PPP1R42: variants seen among roughly 807,000 people sequenced by gnomAD.
PPP1R42 encodes protein phosphatase 1 regulatory subunit 42, also known as leucine rich repeat containing 67.
PPP1R42 carries 34 observed loss-of-function variants against 31.0 expected under a neutral mutation model. The observed-to-expected ratio is 1.10, with a 90% CI of 0.83 to 1.46. The LOEUF (loss-of-function observed/expected upper bound fraction) is 1.46, where lower values mean the gene tolerates loss of function less well. PPP1R42 is among the 40% of genes most tolerant of loss of function. The pLI is 0.00. For synonymous variants in PPP1R42, 103 were observed against 109.8 expected, an observed-to-expected ratio of 0.94 and a Z score of 0.39; for missense variants, 268 against 303.0, an observed-to-expected ratio of 0.88 and a Z score of 0.86.
At chr8:67,011,144 A>T (rs2129536865) in intron 4 of PPP1R42, among the ~76,000 whole-genome samples, 1 of 152,352 alleles carries the variant, frequency 6.6e-6, no homozygotes, top group East Asian at 1.9e-4. Flanking sequence ...GAAAGAAAAA[A>T]AGATGCCCCA....
At chr8:66,990,517 C>T (rs1319389128) in intron 5 of PPP1R42, among the ~76,000 whole-genome samples, 1 of 152,188 alleles carries the variant, frequency 6.6e-6, no homozygotes, top group African/African-American at 2.4e-5. Flanking sequence ...AGGAAGCAGA[C>T]ACTTTTCTGG....
At position 66,972,398 on chromosome 8, in the gene PPP1R42, AT is replaced by A. The variant is rs952238416; in HGVS notation, c.803-8065del. 1.2e-4 allele frequency among the ~76,000 whole-genome samples: 18 copies of A among 150,938 alleles called. No homozygotes were observed. The East Asian group carries it at 3.1e-3, about 26-fold the overall frequency. On this transcript the variant is annotated intron_variant, in intron 7 of 7. Transcript: ENST00000685739. Reference sequence around the variant, plus strand: ...TTTATTTTAATTGATTTTAGAGACCATTTTTTTTTGAGACAGAGTGTCATCT... The same window carrying A: ...TTTATTTTAATTGATTTTAGAGACCATTTTTTTTGAGACAGAGTGTCATCT...
chr8:66,984,296 A>G, intron 6 of PPP1R42: 2 of 1,355,876 alleles, frequency 1.5e-6, no homozygotes, highest in Non-Finnish European at 2.1e-6. Flanking sequence ...AATAGTACAC[A>G]TTTGTTGGTT....
chr8:66,980,928 C>T (rs908167046), intron 7 of PPP1R42, among the ~76,000 whole-genome samples: 10 of 151,952 alleles, frequency 6.6e-5, no homozygotes, highest in African/African-American at 2.2e-4. Context: ...CTGCAACCTC[C>T]ACCTCCCGGG....
At chr8:66,971,393 C>T (rs940988104) in intron 7 of PPP1R42, among the ~76,000 whole-genome samples, 5 of 152,142 alleles carry the variant, frequency 3.3e-5, no homozygotes, top group African/African-American at 1.2e-4. Flanking sequence ...ATTAACTGCC[C>T]TTAATTTTAC....
intron 7 of PPP1R42, among the ~76,000 whole-genome samples, chr8:66,965,525 C>G (rs1243249309): frequency 6.6e-6 from 1 of 150,512 alleles, no homozygotes; most frequent in Non-Finnish European, 1.5e-5. Flanking sequence ...CAGGCTTGAA[C>G]TCCGGGGATC....
chr8:66,974,625 C>G (rs533809323), intron 7 of PPP1R42, among the ~76,000 whole-genome samples: 40 of 152,270 alleles, frequency 2.6e-4, no homozygotes, highest in African/African-American at 9.6e-4. Context: ...TCGCATTTCC[C>G]TGATGATTAC....
At chr8:67,003,287 AT>A (rs887507626) in intron 5 of PPP1R42, among the ~76,000 whole-genome samples, 82 of 139,494 alleles carry the variant, frequency 5.9e-4, no homozygotes, top group African/African-American at 3.2e-4. Context: ...TATATTTATA[AT>A]TTTTTTTTAA....
intron 3 of PPP1R42, among the ~76,000 whole-genome samples, chr8:67,014,006 G>A (rs999652770): frequency 1.3e-5 from 2 of 152,116 alleles, no homozygotes; most frequent in African/African-American, 4.8e-5. Context: ...ATTATATGAC[G>A]CAGATGGTAT....
chr8:66,970,614 C>T (rs1563412116), intron 7 of PPP1R42, among the ~76,000 whole-genome samples: 1 of 152,134 alleles, frequency 6.6e-6, no homozygotes, highest in African/African-American at 2.4e-5. Flanking sequence ...GCTCTGAAGT[C>T]GCCCACCCAC....
intron 1 of PPP1R42, among the ~76,000 whole-genome samples, chr8:67,022,251 T>G (rs763698766): frequency 6.6e-5 from 10 of 152,224 alleles, no homozygotes; most frequent in Non-Finnish European, 1.2e-4. Context: ...TGCCATTCTC[T>G]ACTTATTGAG....
intron 1 of PPP1R42, among the ~76,000 whole-genome samples, chr8:67,022,547 T>C (rs552902495): frequency 1.3e-5 from 2 of 152,314 alleles, no homozygotes; most frequent in African/African-American, 2.4e-5. Flanking sequence ...AATGTATCAC[T>C]ATTTTTCTCA....
intron 7 of PPP1R42, among the ~76,000 whole-genome samples, chr8:66,978,346 C>G (rs12114202): frequency 0.12 from 18,713 of 152,138 alleles, 2,257 homozygotes; most frequent in African/African-American, 0.31. Flanking sequence ...TCTCCCACCA[C>G]GTCCCTCCCA....
intron 5 of PPP1R42, among the ~76,000 whole-genome samples, chr8:67,003,025 C>T (rs550952828): frequency 6.7e-6 from 1 of 150,086 alleles, no homozygotes. Context: ...ATTAGCTGGG[C>T]GTGGTGGCGG....
intron 7 of PPP1R42, among the ~76,000 whole-genome samples, chr8:66,981,703 A>C (rs1814844465): frequency 6.6e-6 from 1 of 152,160 alleles, no homozygotes; most frequent in Admixed American, 6.5e-5. Flanking sequence ...TACTTAACAA[A>C]TATACTAGTG....
chr8:67,005,026 G>C (rs1446108805), intron 5 of PPP1R42, among the ~76,000 whole-genome samples: 1 of 151,616 alleles, frequency 6.6e-6, no homozygotes, highest in African/African-American at 2.4e-5. Context: ...TTTGAGAGTA[G>C]AGCCTACTTG....
intron 6 of PPP1R42, 144 bp downstream of exon 6, chr8:66,988,256 T>A: frequency 1.6e-6 from 2 of 1,268,068 alleles, no homozygotes; most frequent in South Asian, 6.2e-5. Flanking sequence ...TAACTTTTGC[T>A]CTTATTCAAA....
At chr8:66,967,140 A>AT (rs888789249) in intron 7 of PPP1R42, among the ~76,000 whole-genome samples, 8 of 151,336 alleles carry the variant, frequency 5.3e-5, no homozygotes, top group Admixed American at 3.3e-4. Flanking sequence ...CTACACCTGA[A>AT]TTTTTTTTTC....
chr8:66,992,070 C>T (rs1303311254), intron 5 of PPP1R42, among the ~76,000 whole-genome samples: 5 of 152,168 alleles, frequency 3.3e-5, no homozygotes, highest in Admixed American at 3.3e-4. Flanking sequence ...TATCACTGAT[C>T]CACACATTGC....
Sources: allele counts gnomAD v4.1 joint callset (sites outside exome capture counted in the v4.1 genomes callset), GRCh38; gene constraint gnomAD v4.1.1; transcripts MANE v1.5; gene names NCBI Gene and HGNC (gene_info 2026-07-23, HGNC 2026-07-21).